The following WWOX variants were observed in gnomAD, a reference collection of about 807,000 sequenced individuals.
WWOX encodes WW domain-containing oxidoreductase.
In WWOX, 69 loss-of-function variants were observed where a neutral mutation model predicts 46.2. The ratio of observed to expected loss-of-function variants is 1.49; its 90% CI spans 1.23 to 1.82. The LOEUF (loss-of-function observed/expected upper bound fraction) is 1.82. Among genes scored for constraint, WWOX ranks in the 40% most tolerant of loss-of-function variants. The pLI is 0.00. For missense variants in WWOX, 919 were observed against 542.6 expected, an observed-to-expected ratio of 1.69 and a Z score of -6.89; for synonymous variants, 359 against 202.6, an observed-to-expected ratio of 1.77 and a Z score of -6.56.
chr16:78,477,640 G>C (rs1444814166), intron 8 of WWOX, among the ~76,000 whole-genome samples: 2 of 152,036 alleles, frequency 1.3e-5, no homozygotes, highest in African/African-American at 2.4e-5. Flanking sequence ...ATAATTAATA[G>C]TGAAATCATA....
chr16:78,834,939 A>G (rs756758080), intron 8 of WWOX, among the ~76,000 whole-genome samples: 9 of 152,206 alleles, frequency 5.9e-5, no homozygotes, highest in Non-Finnish European at 1.2e-4. Flanking sequence ...GCAGTTCGTA[A>G]TTATTGAAGG....
intron 8 of WWOX, among the ~76,000 whole-genome samples, chr16:78,726,100 C>CCTCCCTCCCTCTCTCCCTCCCTCT (rs2048827235): frequency 7.4e-6 from 1 of 135,914 alleles, no homozygotes; most frequent in African/African-American, 2.7e-5. Context: ...TCCCTCCCTC[C>CCTCCCTCCCTCTCTCCCTCCCTCT]CTCCCTCCCT....
At chr16:78,799,399 G>C (rs1186145878) in intron 8 of WWOX, among the ~76,000 whole-genome samples, 1 of 152,172 alleles carries the variant, frequency 6.6e-6, no homozygotes, top group African/African-American at 2.4e-5. Flanking sequence ...GTGCTTGCTG[G>C]ATTTTTAAGA....
chr16:78,321,380 G>GCGTATATATATA lies in WWOX; in HGVS notation c.517-65469_517-65458dup, dbSNP rs1567499386. Among the ~76,000 whole-genome samples, 5 of 49,604 alleles carry GCGTATATATATA rather than the reference G, an allele frequency of 1.0e-4. 1 individual carries two copies. The African/African-American group carries it at 1.1e-3, about 11-fold the overall frequency. 32.5% of individuals were successfully genotyped at this position (49,604 alleles called of 152,430 possible). On this transcript the variant is annotated intron_variant, in intron 5 of 8. Coordinates refer to ENST00000566780, the MANE Select transcript of WWOX (RefSeq NM_016373.4). Reference sequence around the variant, plus strand: ...TATGCGTATATATATACGTATATATGCGTATATATATACGTATATATACGT... The same window carrying GCGTATATATATA: ...TATGCGTATATATATACGTATATATGCGTATATATATACGTATATATATACGTATATATACGT...
chr16:79,034,149 C>T (rs543096761), intron 8 of WWOX, among the ~76,000 whole-genome samples: 18 of 152,256 alleles, frequency 1.2e-4, no homozygotes, highest in Non-Finnish European at 1.8e-4. Flanking sequence ...TTATATTAAT[C>T]TGTTTTCTTC....
chr16:78,843,822 A>G (rs2052226054), intron 8 of WWOX, among the ~76,000 whole-genome samples: 1 of 152,256 alleles, frequency 6.6e-6, no homozygotes, highest in South Asian at 2.1e-4. Flanking sequence ...ACTAACCTTC[A>G]GCACAATCCC....
chr16:78,682,399 T>A (rs1375756695), intron 8 of WWOX, among the ~76,000 whole-genome samples: 1 of 152,204 alleles, frequency 6.6e-6, no homozygotes, highest in Non-Finnish European at 1.5e-5. Context: ...ATGTGGGTAG[T>A]TGGCACCAGT....
chr16:79,192,913 C>G (rs1474132113), intron 8 of WWOX, among the ~76,000 whole-genome samples: 2 of 152,188 alleles, frequency 1.3e-5, no homozygotes, highest in Non-Finnish European at 2.9e-5. Context: ...CCTGCTGTCA[C>G]TGGTACAGTG....
chr16:78,187,854 A>G (rs376254788), intron 5 of WWOX, among the ~76,000 whole-genome samples: 8 of 152,274 alleles, frequency 5.3e-5, no homozygotes, highest in Admixed American at 3.3e-4. Flanking sequence ...TTCTCACCCA[A>G]TTTTAAAGGA....
intron 8 of WWOX, among the ~76,000 whole-genome samples, chr16:78,482,878 C>T (rs1431006013): frequency 1.3e-5 from 2 of 152,246 alleles, no homozygotes; most frequent in East Asian, 3.9e-4. Context: ...ACATAAAATA[C>T]ACATGGTACA....
At chr16:79,070,936 C>G (rs1247991212) in intron 8 of WWOX, among the ~76,000 whole-genome samples, 1 of 152,172 alleles carries the variant, frequency 6.6e-6, no homozygotes, top group African/African-American at 2.4e-5. Context: ...TGACAATACA[C>G]TTCCAGGGCA....
At chr16:79,041,856 C>A (rs759964707) in intron 8 of WWOX, among the ~76,000 whole-genome samples, 1 of 152,104 alleles carries the variant, frequency 6.6e-6, no homozygotes, top group East Asian at 1.9e-4. Flanking sequence ...CATTCAACCT[C>A]TGCTTGCTCT....
At chr16:78,357,989 G>A (rs1028661503) in intron 5 of WWOX, among the ~76,000 whole-genome samples, 1 of 152,152 alleles carries the variant, frequency 6.6e-6, no homozygotes, top group Non-Finnish European at 1.5e-5. Context: ...ACCTGTTGCC[G>A]GAGATGTGGA....
intron 5 of WWOX, among the ~76,000 whole-genome samples, chr16:78,362,613 C>T (rs2081435295): frequency 6.6e-6 from 1 of 151,894 alleles, no homozygotes; most frequent in South Asian, 2.1e-4. Flanking sequence ...TATCTACCCC[C>T]CACCCTGCAA....
intron 8 of WWOX, among the ~76,000 whole-genome samples, chr16:78,950,424 C>T (rs1456246842): frequency 6.6e-6 from 1 of 151,876 alleles, no homozygotes; most frequent in Non-Finnish European, 1.5e-5. Context: ...GCCTTGTCAG[C>T]TCCTGATGAA....
intron 6 of WWOX, among the ~76,000 whole-genome samples, chr16:78,390,089 G>A (rs1441436917): frequency 3.9e-5 from 6 of 152,190 alleles, no homozygotes; most frequent in African/African-American, 1.4e-4. Context: ...GAGAATGTGA[G>A]TGACTTTCGC....
At chr16:79,172,059 G>C (rs2050709942) in intron 8 of WWOX, among the ~76,000 whole-genome samples, 1 of 152,156 alleles carries the variant, frequency 6.6e-6, no homozygotes, top group Non-Finnish European at 1.5e-5. Flanking sequence ...GGGCAAGTTG[G>C]GATCCTCCCC....
At chr16:78,964,715 G>A (rs1427339973) in intron 8 of WWOX, among the ~76,000 whole-genome samples, 1 of 151,852 alleles carries the variant, frequency 6.6e-6, no homozygotes, top group Non-Finnish European at 1.5e-5. Flanking sequence ...AATGTCTCCA[G>A]GCCATGTCAG....
chr16:78,351,679 C>G (rs1360046668), intron 5 of WWOX, among the ~76,000 whole-genome samples: 1 of 152,108 alleles, frequency 6.6e-6, no homozygotes, highest in Non-Finnish European at 1.5e-5. Context: ...GTTTTTGAGA[C>G]AGAGTCTCGG....
Sources: gnomAD v4.1 joint callset for allele counts (sites outside exome capture counted in the v4.1 genomes callset) on GRCh38, gnomAD v4.1.1 for gene constraint, MANE v1.5 for transcripts, NCBI Gene and HGNC (gene_info 2026-07-23, HGNC 2026-07-21) for gene names.